AMOTL1: variants seen among roughly 807,000 people sequenced by gnomAD.
AMOTL1 encodes angiomotin like 1, also known as angiomotin-like protein 1.
A neutral mutation model predicts 102.9 loss-of-function variants in AMOTL1; 45 were observed. The ratio of observed to expected loss-of-function variants is 0.44; its 90% CI spans 0.34 to 0.56. The LOEUF is 0.56. Among genes scored for constraint, AMOTL1 ranks in the 20% least tolerant of loss-of-function variants. AMOTL1 has a pLI of 0.01. For missense variants in AMOTL1, 1,114 were observed against 1,225.6 expected (o/e 0.91, Z 1.36); for synonymous variants, 481 against 484.7 (o/e 0.99, Z 0.10).
intron 1 of AMOTL1, among the ~76,000 whole-genome samples, chr11:94,781,030 T>A (rs1951103293): frequency 6.6e-6 from 1 of 152,198 alleles, no homozygotes; most frequent in Non-Finnish European, 1.5e-5. Flanking sequence ...CTTAACATCC[T>A]TCCCTTTGTC....
intron 3 of AMOTL1, among the ~76,000 whole-genome samples, chr11:94,741,486 C>G (rs887670925): frequency 2.0e-5 from 3 of 152,096 alleles, no homozygotes; most frequent in Non-Finnish European, 4.4e-5. Flanking sequence ...ACTGTAAGAC[C>G]TAGGAGCTGC....
intron 6 of AMOTL1, among the ~76,000 whole-genome samples, chr11:94,839,219 G>A (rs1466111223): frequency 1.3e-5 from 2 of 152,190 alleles, no homozygotes; most frequent in Non-Finnish European, 2.9e-5. Context: ...CCATCCTTCA[G>A]GTCCTGCCTG....
chr11:94,728,972 T>C, exon 2 of AMOTL1: 1 of 1,289,094 alleles, frequency 7.8e-7, no homozygotes, highest in African/African-American at 1.5e-5. Context: ...GCTAGAAGCA[T>C]GGACCTCAGT....
At chr11:94,793,589 T>C (rs1426434411) in intron 1 of AMOTL1, among the ~76,000 whole-genome samples, 2 of 152,226 alleles carry the variant, frequency 1.3e-5, no homozygotes, top group African/African-American at 4.8e-5. Flanking sequence ...GGAAGCCAGA[T>C]TAGGACTTGC....
At chr11:94,820,488 A>G (rs534310324) in intron 3 of AMOTL1, 41 of 152,274 alleles carry the variant, frequency 2.7e-4, no homozygotes, top group Admixed American at 2.2e-3. Context: ...GCTAATTCCT[A>G]CCTCAGGCCC....
chr11:94,774,359 G>T (rs1182923913), intron 1 of AMOTL1, among the ~76,000 whole-genome samples: 1 of 152,168 alleles, frequency 6.6e-6, no homozygotes, highest in Non-Finnish European at 1.5e-5. Flanking sequence ...GATTTCCTCT[G>T]TGCCCTTGAG....
chr11:94,727,560 C>G (rs995713132), intron 1 of AMOTL1, among the ~76,000 whole-genome samples: 1 of 152,092 alleles, frequency 6.6e-6, no homozygotes, highest in Non-Finnish European at 1.5e-5. Flanking sequence ...TATACAAAAG[C>G]ATATTATTAT....
chr11:94,832,857 C>G (rs1952102094), intron 6 of AMOTL1, among the ~76,000 whole-genome samples: 1 of 152,196 alleles, frequency 6.6e-6, no homozygotes, highest in African/African-American at 2.4e-5. Flanking sequence ...GATACTTTGC[C>G]TTCTTGTCAA....
chr11:94,742,619 T>C (rs1950542035), intron 3 of AMOTL1, among the ~76,000 whole-genome samples: 1 of 152,210 alleles, frequency 6.6e-6, no homozygotes, highest in Non-Finnish European at 1.5e-5. Context: ...AAAACAATGT[T>C]TTTTTCTCTT....
chr11:94,869,514 G>A, intron 12 of AMOTL1, 41 bp downstream of exon 12: 2 of 1,538,148 alleles, frequency 1.3e-6, no homozygotes, highest in Non-Finnish European at 1.8e-6. Context: ...GAAAACTGTG[G>A]AACTGTCTGG....
At chr11:94,718,029 T>C (rs1457444328) in intron 1 of AMOTL1, among the ~76,000 whole-genome samples, 1 of 151,898 alleles carries the variant, frequency 6.6e-6, no homozygotes, top group Admixed American at 6.6e-5. Flanking sequence ...ATAAAATATA[T>C]GGTGTTAATA....
chr11:94,842,274 A>T (rs1255357052), intron 6 of AMOTL1, among the ~76,000 whole-genome samples: 1 of 152,202 alleles, frequency 6.6e-6, no homozygotes, highest in Admixed American at 6.5e-5. Flanking sequence ...GTTTCGACGC[A>T]CCGTGAAGAG....
rs1952943138 is a variant in AMOTL1 at position 94,869,198 on chromosome 11, G to A, written c.2489G>A (p.Gly830Glu). ...TGAAAAATCTGTTCTCTGCCCTCAG[G>A]ATTGCTGCTGGGGAAGGAGCACCAT... is the stretch of plus-strand genomic sequence containing the variant. ...KEEKTWKGSI[G>E]LLLGKEHHEH... Residue 830 changes from glycine (G) to glutamate (E), a missense_variant and splice_region_variant, in exon 12 of 13, where the codon GGA (glycine) becomes GAA (glutamate). By Grantham distance (98) the Gly-to-Glu change is moderately conservative. Coordinates refer to ENST00000433060, the MANE Select transcript of AMOTL1 (RefSeq NM_130847.3). The A allele has an allele frequency of 6.3e-7, 1 of 1,585,368 alleles. No individual in the cohort carries two copies. Among genetic ancestry groups the A allele is most frequent in the Non-Finnish European group, 8.6e-7 (1 of 1,160,590 alleles).
chr11:94,714,138 A>G (rs1950059691), intron 1 of AMOTL1, among the ~76,000 whole-genome samples: 1 of 152,040 alleles, frequency 6.6e-6, no homozygotes, highest in Non-Finnish European at 1.5e-5. Context: ...AATGATCAGT[A>G]TGATCATGTG....
At chr11:94,708,182 C>T (rs143503868) in intron 1 of AMOTL1, among the ~76,000 whole-genome samples, 337 of 152,364 alleles carry the variant, frequency 2.2e-3, no homozygotes, top group Non-Finnish European at 3.9e-3. Flanking sequence ...GCTCACTCCA[C>T]TCCTAGTATA....
chr11:94,817,247 TG>T lies in AMOTL1; in HGVS notation c.1122-4280del, dbSNP rs1180903078. ...TTTTGGAAATCGTTGAGTTATCATTTGGGCTAAATGATTGACTTATTTTATA... is the reference window on the plus strand; with the variant it reads ...TTTTGGAAATCGTTGAGTTATCATTTGGCTAAATGATTGACTTATTTTATA... On this transcript the variant is annotated intron_variant, in intron 3 of 12. Coordinates refer to ENST00000433060, the MANE Select transcript of AMOTL1 (RefSeq NM_130847.3). Among the ~76,000 whole-genome samples the T allele has an allele frequency of 1.3e-4, 20 of 152,276 alleles. 1 individual carries two copies. The highest frequency in any genetic ancestry group is 4.6e-4 in the African/African-American group (19 of 41,556).
rs1221095429 is a variant in AMOTL1 at position 94,875,335 on chromosome 11, T to C, written c.*4540T>C. 6.6e-6 allele frequency: 1 copy of C among 152,236 alleles called. No individual in the cohort carries two copies. The highest frequency in any genetic ancestry group is 6.5e-5 in the Admixed American group (1 of 15,288). 9.4% of individuals were successfully genotyped at this position (152,236 alleles called of 1,614,324 possible). ...AATTTTTCCTCTTTCTCTTAAGTAG[T>C]ATACCCTTTTCTCACTTAGTAATTT... On this transcript the variant is annotated 3_prime_UTR_variant, in exon 13 of 13. Coordinates refer to ENST00000433060, the MANE Select transcript of AMOTL1 (RefSeq NM_130847.3).
intron 4 of AMOTL1, among the ~76,000 whole-genome samples, chr11:94,823,028 T>C (rs1217650518): frequency 1.3e-5 from 2 of 152,170 alleles, no homozygotes; most frequent in African/African-American, 4.8e-5. Flanking sequence ...GTTGTCACTT[T>C]GGCTCTATGT....
Position 94,870,789 on chromosome 11 carries a change from C to T in AMOTL1, c.2865C>T (p.Leu955=). The change falls in exon 13 of 13, where the codon CTC becomes CTT. Residue 955 remains leucine, a synonymous_variant. Coordinates refer to ENST00000433060, the MANE Select transcript of AMOTL1 (RefSeq NM_130847.3). ...CTGATGGAGAGATGATGGAAGTCCT[C>T]ATCTAACTGCCATCCCTGTGGAATT... ...EFPDGEMMEV[L]I is the part of the protein sequence containing the mutation. 1 of 1,591,622 alleles carries T rather than the reference C, an allele frequency of 6.3e-7. No homozygotes were observed. The highest frequency in any genetic ancestry group is 8.6e-7 in the Non-Finnish European group (1 of 1,167,108).
Sources: gnomAD v4.1 joint callset for allele counts (sites outside exome capture counted in the v4.1 genomes callset) on GRCh38, gnomAD v4.1.1 for gene constraint, MANE v1.5 for transcripts, NCBI Gene and HGNC (gene_info 2026-07-23, HGNC 2026-07-21) for gene names.